The following STS variants were observed in gnomAD, a reference collection of about 807,000 sequenced individuals.
STS encodes steroid sulfatase, also known as steryl-sulfatase.
Under a neutral mutation model 26.8 loss-of-function variants are expected in STS, and 7 were observed. The observed-to-expected ratio is 0.26, with a 90% CI of 0.15 to 0.49. The LOEUF (loss-of-function observed/expected upper bound fraction) is 0.49. STS is among the 20% of genes least tolerant of loss of function. The pLI is 0.98. For synonymous variants in STS, 199 were observed against 189.4 expected (o/e 1.05, Z -0.42); for missense variants, 434 against 465.6 (o/e 0.93, Z 0.63).
intron 2 of STS, among the ~76,000 whole-genome samples, chrX:7,222,316 T>C (rs1921604521): frequency 8.9e-6 from 1 of 111,767 alleles, no homozygotes. Context: ...AATTGTGTAA[T>C]CATGTTGTTT....
rs894402682 is a variant in STS, at chrX:7,353,097, T to G, written c.*2836T>G. 1 of 112,028 alleles carries G rather than the reference T, an allele frequency of 8.9e-6. No homozygotes were observed. Among genetic ancestry groups the G allele is most frequent in the Non-Finnish European group, 1.9e-5 (1 of 53,301 alleles). 9.2% of individuals were successfully genotyped at this position (112,028 alleles called of 1,213,427 possible). A position where few individuals can be genotyped will look rare whatever the true frequency, so the allele number is the denominator to read the frequency against. On this transcript the variant is annotated 3_prime_UTR_variant, in exon 11 of 11. Coordinates refer to ENST00000674429, the MANE Select transcript of STS (RefSeq NM_001320752.2). ...TGCGCTAATACCCTGCTTTCTATCG[T>G]GACTCAATTCAACAATGTGGGGAAT...
chrX:7,282,397 C>T (rs777701564), intron 7 of STS, among the ~76,000 whole-genome samples: 33 of 111,999 alleles, frequency 2.9e-4, no homozygotes, highest in African/African-American at 1.0e-3. Context: ...GACAAGGTCT[C>T]ACTATGTTGC....
intron 2 of STS, among the ~76,000 whole-genome samples, chrX:7,242,597 C>T (rs1922676745): frequency 9.1e-6 from 1 of 110,004 alleles, no homozygotes; most frequent in Non-Finnish European, 1.9e-5. Flanking sequence ...GAGACCCTGT[C>T]TCAAAATAAA....
intron 3 of STS, among the ~76,000 whole-genome samples, chrX:7,256,614 G>A (rs1923420362): frequency 9.0e-6 from 1 of 111,691 alleles, no homozygotes; most frequent in Admixed American, 9.5e-5. Context: ...AGGTAACTTA[G>A]GAGATGTGGA....
At chrX:7,324,862 C>G (rs1927318931) in intron 8 of STS, among the ~76,000 whole-genome samples, 1 of 111,745 alleles carries the variant, frequency 8.9e-6, no homozygotes. Context: ...AGGGTAATCT[C>G]CTCATCTCAA....
chrX:7,332,747 G>C (rs1433537103), intron 9 of STS, among the ~76,000 whole-genome samples: 1 of 111,523 alleles, frequency 9.0e-6, no homozygotes, highest in Non-Finnish European at 1.9e-5. Flanking sequence ...GCCATTTCGG[G>C]ATGGAAACAG....
At chrX:7,319,149 T>C (rs1926845426) in intron 8 of STS, among the ~76,000 whole-genome samples, 1 of 110,146 alleles carries the variant, frequency 9.1e-6, no homozygotes, top group African/African-American at 3.3e-5. Flanking sequence ...TTTGTGAAAC[T>C]ATGTGCTTTG....
In STS at chrX:7,309,630, A is replaced by G. The variant is rs371923722; in HGVS notation, c.1081+4447A>G. Reference sequence around the variant, plus strand: ...AAAATCTATGGGCTAAATTTGGTAGAATGGCTAGGATTAAATCATCCTTCC... The same window carrying G: ...AAAATCTATGGGCTAAATTTGGTAGGATGGCTAGGATTAAATCATCCTTCC... On this transcript the variant is annotated intron_variant, in intron 8 of 10. Transcript: ENST00000674429. 2.6e-4 allele frequency among the ~76,000 whole-genome samples: 29 copies of G among 111,670 alleles called. 1 individual carries two copies. The highest frequency in any genetic ancestry group is 1.1e-3 in the Admixed American group (12 of 10,468).
chrX:7,253,747 C>T (rs1264781672), intron 3 of STS, among the ~76,000 whole-genome samples: 1 of 112,156 alleles, frequency 8.9e-6, no homozygotes, highest in Non-Finnish European at 1.9e-5. Flanking sequence ...CACTCTCACT[C>T]TCACTCATGC....
intron 2 of STS, chrX:7,252,300 C>T: frequency 1.3e-6 from 1 of 752,950 alleles, no homozygotes; most frequent in Non-Finnish European, 1.6e-6. Flanking sequence ...GAGGTGTTGC[C>T]TACCACTGCT....
At chrX:7,271,644 A>G (rs184962220) in intron 6 of STS, among the ~76,000 whole-genome samples, 2 of 110,671 alleles carry the variant, frequency 1.8e-5, no homozygotes, top group Non-Finnish European at 3.8e-5. Context: ...TGAATGTTAT[A>G]GACCAGGTCC....
At chrX:7,321,286 A>G (rs1377486075) in intron 8 of STS, among the ~76,000 whole-genome samples, 1 of 111,462 alleles carries the variant, frequency 9.0e-6, no homozygotes, top group Admixed American at 9.6e-5. Context: ...GTGGAGGGAA[A>G]GAGGAGGAGG....
intron 5 of STS, among the ~76,000 whole-genome samples, chrX:7,258,914 A>T (rs1352769162): frequency 1.8e-5 from 2 of 110,633 alleles, no homozygotes; most frequent in Non-Finnish European, 3.8e-5. Flanking sequence ...AAAGAAAAAA[A>T]AAAAAACAAA....
chrX:7,205,593 TTTTTCTTTTTC>T lies in STS; in HGVS notation c.-5+14595_-5+14605del, dbSNP rs1424760974. ...TGGAAATTATTTGGTTTTCTTTTTC[TTTTTCTTTTTC>T]TTTTCTTTTCTTTCGTTTTCTTTTC... On this transcript the variant is annotated intron_variant, in intron 2 of 10. Transcript: ENST00000674429. Among the ~76,000 whole-genome samples the T allele has an allele frequency of 3.7e-5, 4 of 109,338 alleles. No homozygotes were observed. The South Asian group carries it at 1.6e-3, about 44-fold the overall frequency. 94.9% of individuals were successfully genotyped at this position (109,338 alleles called of 115,157 possible).
chrX:7,308,087 G>A (rs1926302604), intron 8 of STS, among the ~76,000 whole-genome samples: 1 of 112,264 alleles, frequency 8.9e-6, no homozygotes, highest in African/African-American at 3.2e-5. Flanking sequence ...GAGTCCAGCA[G>A]GCCCCTAAGA....
At chrX:7,285,792 A>T (rs1384575871) in intron 7 of STS, among the ~76,000 whole-genome samples, 5 of 112,066 alleles carry the variant, frequency 4.5e-5, no homozygotes, top group African/African-American at 1.3e-4. Flanking sequence ...TTGTATTTTT[A>T]AAAAAATAAT....
chrX:7,194,169 T>A (rs1199046926), intron 2 of STS, among the ~76,000 whole-genome samples: 1 of 111,118 alleles, frequency 9.0e-6, no homozygotes, highest in Non-Finnish European at 1.9e-5. Flanking sequence ...AAGGACAGTT[T>A]GGCGGGCAAG....
chrX:7,299,226 AT>A (rs1461335660), intron 7 of STS, among the ~76,000 whole-genome samples: 2 of 94,758 alleles, frequency 2.1e-5, no homozygotes, highest in Non-Finnish European at 4.0e-5. Context: ...TAAATTTTAT[AT>A]AATTATATAT....
intron 8 of STS, among the ~76,000 whole-genome samples, chrX:7,318,852 C>G (rs1471416671): frequency 9.0e-6 from 1 of 111,102 alleles, no homozygotes; most frequent in Non-Finnish European, 1.9e-5. Context: ...CAGGGGTAAG[C>G]TACTTCTTTG....
Sources: allele counts gnomAD v4.1 joint callset (sites outside exome capture counted in the v4.1 genomes callset), GRCh38; gene constraint gnomAD v4.1.1; transcripts MANE v1.5; gene names NCBI Gene and HGNC (gene_info 2026-07-23, HGNC 2026-07-21).